The following KIAA1958 variants were observed in gnomAD, a reference collection of about 807,000 sequenced individuals.
KIAA1958 encodes the protein KIAA1958, also known as uncharacterized protein KIAA1958.
A neutral mutation model predicts 47.2 loss-of-function variants in KIAA1958; 14 were observed. That is an observed-to-expected ratio of 0.30 (90% CI 0.20 to 0.46). KIAA1958 has a LOEUF of 0.46. KIAA1958 is among the 20% of genes least tolerant of loss of function. The pLI, the probability that KIAA1958 is intolerant of heterozygous loss-of-function variation, is 1.00. For synonymous variants in KIAA1958, 354 were observed against 353.3 expected, an observed-to-expected ratio of 1.00 and a Z score of -0.02; for missense variants, 803 against 909.2, an observed-to-expected ratio of 0.88 and a Z score of 1.50.
intron 2 of KIAA1958, among the ~76,000 whole-genome samples, chr9:112,624,156 A>G (rs1372224060): frequency 6.6e-6 from 1 of 152,222 alleles, no homozygotes; most frequent in Non-Finnish European, 1.5e-5. Flanking sequence ...AGCGTTCATT[A>G]AAAAATAGTT....
At chr9:112,528,914 T>A (rs539532748) in intron 1 of KIAA1958, among the ~76,000 whole-genome samples, 1 of 152,370 alleles carries the variant, frequency 6.6e-6, no homozygotes, top group Non-Finnish European at 1.5e-5. Context: ...GTTTTGTGAA[T>A]GTTTGCTAAT....
chr9:112,530,176 A>G (rs1834730660), intron 1 of KIAA1958, among the ~76,000 whole-genome samples: 1 of 152,190 alleles, frequency 6.6e-6, no homozygotes, highest in Non-Finnish European at 1.5e-5. Context: ...CAATATTGAC[A>G]TAAATTATTT....
At chr9:112,649,089 G>A (rs901773957) in intron 3 of KIAA1958, among the ~76,000 whole-genome samples, 7 of 152,184 alleles carry the variant, frequency 4.6e-5, no homozygotes, top group East Asian at 3.8e-4. Flanking sequence ...ATTTTACTTA[G>A]AGAAGAAAAT....
rs1202514121 is a variant in KIAA1958 at position 112,574,860 on chromosome 9, C to T, written c.780C>T (p.Ile260=). The change falls in exon 2 of 4, where the codon ATC becomes ATT. Residue 260 remains isoleucine, a synonymous_variant. Transcript: ENST00000337530. ...TGATTCCCCATGTCACATCTGCCAT[C>T]AGCACGGAGCTAGACCCACACGGTA... ...AKLIPHVTSA[I]STELDPHGMS... is the part of the protein sequence containing the mutation. 1.2e-6 allele frequency: 2 copies of T among 1,614,184 alleles called. No homozygotes were observed. The highest frequency in any genetic ancestry group is 1.1e-5 in the South Asian group (1 of 91,078).
chr9:112,618,529 C>T lies in KIAA1958; in HGVS notation c.1172-27121C>T, dbSNP rs76244866. 1,756 of 1,550,720 alleles carry T rather than the reference C, an allele frequency of 1.1e-3. 21 individuals carry two copies. The African/African-American group carries it at 0.019, about 17-fold the overall frequency. ...ACTCCCGTGTGTATGCCACCCAGCACGCCCCACAGACCTGCCCTGTCCAGG... is the reference window on the plus strand; with the variant it reads ...ACTCCCGTGTGTATGCCACCCAGCATGCCCCACAGACCTGCCCTGTCCAGG... On this transcript the variant is annotated intron_variant, in intron 2 of 3. Coordinates refer to ENST00000337530, the MANE Select transcript of KIAA1958 (RefSeq NM_133465.4). This position sits in a 1 kb window ranked among gnomAD's most constrained non-coding sequence, Gnocchi z 7.1.
At chr9:112,580,652 TGGCAGGCGCCTGTAGTCCCAGCTATTC>T (rs1466751628) in intron 2 of KIAA1958, among the ~76,000 whole-genome samples, 28 of 152,106 alleles carry the variant, frequency 1.8e-4, no homozygotes, top group African/African-American at 5.1e-4. Context: ...CCCAGCGTGG[TGGCAGGCGCCTGTAGTCCCAGCTATTC>T]GGCAGGCTGA....
intron 2 of KIAA1958, among the ~76,000 whole-genome samples, chr9:112,583,893 C>A (rs150873924): frequency 6.6e-6 from 1 of 152,004 alleles, no homozygotes; most frequent in Non-Finnish European, 1.5e-5. Flanking sequence ...TTTTAAAATA[C>A]GTATGTAATA....
chr9:112,581,157 T>TA (rs1488885376), intron 2 of KIAA1958, among the ~76,000 whole-genome samples: 2 of 152,188 alleles, frequency 1.3e-5, no homozygotes, highest in East Asian at 3.9e-4. Flanking sequence ...CTTAGCTACG[T>TA]CATTTCACTT....
At chr9:112,519,173 G>C (rs1432293380) in intron 1 of KIAA1958, among the ~76,000 whole-genome samples, 2 of 152,078 alleles carry the variant, frequency 1.3e-5, no homozygotes, top group Non-Finnish European at 2.9e-5. Context: ...GAACTCCTGA[G>C]CTCAAGCAGT....
At chr9:112,658,466 G>A (rs1413528263) in intron 3 of KIAA1958, among the ~76,000 whole-genome samples, 1 of 152,150 alleles carries the variant, frequency 6.6e-6, no homozygotes. Context: ...AAAACCAAGG[G>A]CCTTCCAAGA....
intron 1 of KIAA1958, among the ~76,000 whole-genome samples, chr9:112,537,880 CAAAAG>C (rs1834882037): frequency 6.6e-6 from 1 of 151,510 alleles, no homozygotes; most frequent in African/African-American, 2.4e-5. Flanking sequence ...TTCACATTAA[CAAAAG>C]AAAAAAGTTG....
At chr9:112,494,543 A>T (rs971137863) in intron 1 of KIAA1958, among the ~76,000 whole-genome samples, 1 of 150,804 alleles carries the variant, frequency 6.6e-6, no homozygotes, top group African/African-American at 2.4e-5. Context: ...ATCATGGTTT[A>T]CAGCAGTGTC....
intron 2 of KIAA1958, among the ~76,000 whole-genome samples, chr9:112,640,628 G>A (rs1024201898): frequency 2.0e-5 from 3 of 152,006 alleles, no homozygotes; most frequent in African/African-American, 4.8e-5. Context: ...TATGTCCTGC[G>A]CTGCAGCTCT....
chr9:112,595,273 A>G (rs1836000338), intron 2 of KIAA1958, among the ~76,000 whole-genome samples: 1 of 152,214 alleles, frequency 6.6e-6, no homozygotes, highest in African/African-American at 2.4e-5. Context: ...TATAGCACTG[A>G]GTGATAAGGC....
intron 1 of KIAA1958, among the ~76,000 whole-genome samples, chr9:112,513,168 C>G (rs1834350348): frequency 6.8e-6 from 1 of 147,946 alleles, no homozygotes; most frequent in Non-Finnish European, 1.5e-5. Context: ...CCATGCCCAG[C>G]TAATTTTTGT....
At chr9:112,594,571 C>T (rs1406031001) in intron 2 of KIAA1958, among the ~76,000 whole-genome samples, 3 of 152,198 alleles carry the variant, frequency 2.0e-5, no homozygotes, top group Non-Finnish European at 4.4e-5. Context: ...TTTCTTCTTA[C>T]AGCTGAATAA....
Position 112,599,816 on chromosome 9 carries a change from A to G in KIAA1958, c.1171+24565A>G, listed in dbSNP as rs959937175. ...CAGCTCACTATGTATTTTATGTATTATACCAGCAGCAGATATTTCAGACAT... is the reference window on the plus strand; with the variant it reads ...CAGCTCACTATGTATTTTATGTATTGTACCAGCAGCAGATATTTCAGACAT... On this transcript the variant is annotated intron_variant, in intron 2 of 3. Transcript: ENST00000337530. Among the ~76,000 whole-genome samples, 6 of 152,244 alleles carry G rather than the reference A, an allele frequency of 3.9e-5. No individual in the cohort carries two copies. The South Asian group carries it at 1.2e-3, about 31-fold the overall frequency.
At chr9:112,505,821 A>G (rs1834224397) in intron 1 of KIAA1958, among the ~76,000 whole-genome samples, 1 of 152,214 alleles carries the variant, frequency 6.6e-6, no homozygotes, top group Non-Finnish European at 1.5e-5. Flanking sequence ...TGTAGGAAAG[A>G]TTGCTTGTTT....
chr9:112,520,649 A>C (rs1834523428), intron 1 of KIAA1958, among the ~76,000 whole-genome samples: 1 of 152,246 alleles, frequency 6.6e-6, no homozygotes, highest in Non-Finnish European at 1.5e-5. Flanking sequence ...ATACACTGTA[A>C]GTGATTCTAA....
Sources: allele counts gnomAD v4.1 joint callset (sites outside exome capture counted in the v4.1 genomes callset), GRCh38; gene constraint gnomAD v4.1.1; non-coding constraint Gnocchi (gnomAD v3.1); transcripts MANE v1.5; gene names NCBI Gene and HGNC (gene_info 2026-07-23, HGNC 2026-07-21).